The following ERICH3 variants were observed in gnomAD, a reference collection of about 807,000 sequenced individuals.
The protein encoded by ERICH3 is glutamate-rich protein 3.
A neutral mutation model predicts 131.1 loss-of-function variants in ERICH3; 126 were observed. That is an observed-to-expected ratio of 0.96 (90% CI 0.83 to 1.11). The LOEUF (loss-of-function observed/expected upper bound fraction) is 1.11, where lower values mean the gene tolerates loss of function less well. Ranked by LOEUF, ERICH3 falls within the 50% of genes most tolerant of loss-of-function variation. The pLI is 0.00. For missense variants in ERICH3, 2,050 were observed against 1,810.7 expected, an observed-to-expected ratio of 1.13 and a Z score of -2.40; for synonymous variants, 695 against 644.6, an observed-to-expected ratio of 1.08 and a Z score of -1.18.
chr1:74,625,125 G>A (rs1649369959), intron 7 of ERICH3: 1 of 152,178 alleles, frequency 6.6e-6, no homozygotes, highest in Middle Eastern at 3.4e-3. Context: ...TGCATGTGGT[G>A]TGTCCCCTCC....
Position 74,573,406 on chromosome 1 carries a change from T to C in ERICH3, c.2304A>G (p.Thr768=). The C allele has an allele frequency of 6.3e-7, 1 of 1,592,344 alleles. No individual in the cohort carries two copies. The highest frequency in any genetic ancestry group is 1.1e-5 in the South Asian group (1 of 87,096). Residue 768 remains threonine (T), a synonymous_variant, in exon 14 of 15, where the codon ACA becomes ACG. Coordinates refer to ENST00000326665, the MANE Select transcript of ERICH3 (RefSeq NM_001002912.5). The stretch of plus-strand genomic sequence containing the variant: ...CCTCCATTGCTTCTTTCTTCTCCAG[T>C]GTATACGTTTTTTGCACCAATTGCT... The part of the protein sequence containing the change: ...ESQQLVQKTY[T]LEKKEAMEED...
intron 10 of ERICH3, among the ~76,000 whole-genome samples, chr1:74,605,923 A>C (rs968039457): frequency 4.0e-5 from 6 of 151,468 alleles, no homozygotes; most frequent in Non-Finnish European, 7.4e-5. Flanking sequence ...TATATTTGCA[A>C]AGCTTGCACA....
intron 7 of ERICH3, chr1:74,625,178 T>C (rs1452559660): frequency 1.3e-5 from 2 of 152,128 alleles, no homozygotes; most frequent in African/African-American, 4.8e-5. Flanking sequence ...TGATGGCAAT[T>C]GTCTCTTAAT....
At chr1:74,573,565 TCA>T (rs770302286) in intron 13 of ERICH3, 74 bp from the exon 14 acceptor site, 68 of 1,399,650 alleles carry the variant, frequency 4.9e-5, no homozygotes, top group Non-Finnish European at 6.1e-5. Context: ...TAATCTTATA[TCA>T]CACTTATTTA....
chr1:74,632,856 T>A (rs1279416352), intron 6 of ERICH3, among the ~76,000 whole-genome samples: 3 of 151,860 alleles, frequency 2.0e-5, no homozygotes, highest in Non-Finnish European at 4.4e-5. Flanking sequence ...TGTTTTAGAG[T>A]TTAATCAGCA....
rs190529433 is a variant in ERICH3, at chr1:74,592,675, G to T, written c.1727-2595C>A. ...GAAATATACTCTGGTTCAAGTTTGA[G>T]TCAGTCCTTCAGAGGAGAAAGATCA... On this transcript the variant is annotated intron_variant, in intron 11 of 14. Coordinates refer to ENST00000326665, the MANE Select transcript of ERICH3 (RefSeq NM_001002912.5). Among the ~76,000 whole-genome samples the T allele has an allele frequency of 1.9e-4, 29 of 152,222 alleles. 1 individual carries two copies. The highest frequency in any genetic ancestry group is 1.6e-3 in the Admixed American group (24 of 15,288).
At chr1:74,609,043 C>G (rs1420478020) in intron 9 of ERICH3, among the ~76,000 whole-genome samples, 2 of 152,044 alleles carry the variant, frequency 1.3e-5, no homozygotes, top group Admixed American at 6.6e-5. Flanking sequence ...CACTGACTAC[C>G]TATTTGACTT....
At chr1:74,671,305 T>C (rs1411933545) in intron 1 of ERICH3, among the ~76,000 whole-genome samples, 1 of 152,142 alleles carries the variant, frequency 6.6e-6, no homozygotes, top group African/African-American at 2.4e-5. Flanking sequence ...GTTCTGCTTT[T>C]GCCCTTTGTC....
Position 74,569,189 on chromosome 1 carries a change from TA to T in ERICH3, c.*1268del, listed in dbSNP as rs1194566855. On this transcript the variant is annotated 3_prime_UTR_variant, in exon 15 of 15. Transcript: ENST00000326665. ...GAAGAATCAAGTGAAAAGTTAAAAA[TA>T]TATATATACTGATGTGTAGATCCAT... The T allele has an allele frequency of 6.6e-6, 1 of 152,078 alleles. No individual in the cohort carries two copies. Among genetic ancestry groups the T allele is most frequent in the African/African-American group, 2.4e-5 (1 of 41,396 alleles). 9.4% of individuals were successfully genotyped at this position (152,078 alleles called of 1,614,324 possible). A position where few individuals can be genotyped will look rare whatever the true frequency, so the allele number is the denominator to read the frequency against.
At chr1:74,628,467 TAAC>T (rs1305308543) in intron 7 of ERICH3, among the ~76,000 whole-genome samples, 1 of 152,192 alleles carries the variant, frequency 6.6e-6, no homozygotes, top group African/African-American at 2.4e-5. Context: ...GTTTTCCTAA[TAAC>T]ATTTTCTTTT....
intron 11 of ERICH3, among the ~76,000 whole-genome samples, chr1:74,597,307 G>A (rs76400893): frequency 0.029 from 4,342 of 151,916 alleles, 207 homozygotes; most frequent in African/African-American, 0.1. Flanking sequence ...AAAGTCTGAC[G>A]ATGGAGTAAA....
chr1:74,657,035 A>T (rs527648661), intron 1 of ERICH3, among the ~76,000 whole-genome samples: 4 of 152,240 alleles, frequency 2.6e-5, no homozygotes, highest in Non-Finnish European at 5.9e-5. Context: ...GAAACAAAGC[A>T]TATTGGTCCA....
In ERICH3 at chr1:74,670,182, T is replaced by TAC. The variant is rs145059752; in HGVS notation, c.23+3313_23+3314dup. Among the ~76,000 whole-genome samples, 440 of 152,266 alleles carry TAC rather than the reference T, an allele frequency of 2.9e-3. 3 individuals carry two copies. Among genetic ancestry groups the TAC allele is most frequent in the African/African-American group, 0.01 (428 of 41,548 alleles). On this transcript the variant is annotated intron_variant, in intron 1 of 14. Coordinates refer to ENST00000326665, the MANE Select transcript of ERICH3 (RefSeq NM_001002912.5). ...TGATAAATTACAACCAAAAAATGTA[T>TAC]ACACACACACTATTACGAAATTAGC...
At chr1:74,634,982 C>T (rs193069157) in intron 6 of ERICH3, 1 of 318,514 alleles carries the variant, frequency 3.1e-6, no homozygotes. Flanking sequence ...GGGGATAATG[C>T]ACTTCTTCTA....
rs1329239727 is a variant in ERICH3 at position 74,616,424 on chromosome 1, C to A, written c.1001-3615G>T. 3.3e-5 allele frequency among the ~76,000 whole-genome samples: 5 copies of A among 152,158 alleles called. No individual in the cohort carries two copies. The East Asian group carries it at 9.7e-4, about 29-fold the overall frequency. Reference sequence around the variant, plus strand: ...AGTCATAGAAGCATTTGATAAGCTCCCTATATATCCCTGGCTAACTGGAAG... The same window carrying A: ...AGTCATAGAAGCATTTGATAAGCTCACTATATATCCCTGGCTAACTGGAAG... On this transcript the variant is annotated intron_variant, in intron 8 of 14. Coordinates refer to ENST00000326665, the MANE Select transcript of ERICH3 (RefSeq NM_001002912.5).
rs148891590 is a variant in ERICH3, at chr1:74,571,734, T to C, written c.3976A>G (p.Thr1326Ala). Residue 1326 changes from threonine (T) to alanine (A), a missense_variant, in exon 14 of 15, where the codon ACA becomes GCA. Thr to Ala is a moderately conservative substitution (Grantham distance 58, BLOSUM62 0). Transcript: ENST00000326665. Reference sequence around the variant, plus strand: ...CCTCCCATGCCCTCATTCTTTTGTGTGTTTCCTTCTCCTTCCATGTCCCCG... The same window carrying C: ...CCTCCCATGCCCTCATTCTTTTGTGCGTTTCCTTCTCCTTCCATGTCCCCG... The part of the protein sequence containing the change: ...GDGDMEGEGN[T>A]QKNEGMGGGR... 1.2e-6 allele frequency: 2 copies of C among 1,614,040 alleles called. No individual in the cohort carries two copies. The highest frequency in any genetic ancestry group is 2.2e-5 in the East Asian group (1 of 44,880).
At chr1:74,573,993 CTT>C (rs59687548) in intron 13 of ERICH3, among the ~76,000 whole-genome samples, 45 of 135,770 alleles carry the variant, frequency 3.3e-4, no homozygotes, top group African/African-American at 5.4e-4. Context: ...CTTTTTCTCT[CTT>C]TTTTTTTTTT....
chr1:74,577,818 C>T (rs750075163), intron 12 of ERICH3, among the ~76,000 whole-genome samples: 2 of 152,158 alleles, frequency 1.3e-5, no homozygotes, highest in Non-Finnish European at 2.9e-5. Context: ...ATTTTCCCTT[C>T]TAGGAACGTG....
At chr1:74,579,570 A>G in intron 12 of ERICH3, 1 of 985,396 alleles carries the variant, frequency 1.0e-6, no homozygotes, top group Non-Finnish European at 1.2e-6. Flanking sequence ...TGCTGGCCTA[A>G]GTATCAAGGA....
Sources: gnomAD v4.1 joint callset for allele counts (sites outside exome capture counted in the v4.1 genomes callset) on GRCh38, gnomAD v4.1.1 for gene constraint, MANE v1.5 for transcripts, NCBI Gene and HGNC (gene_info 2026-07-23, HGNC 2026-07-21) for gene names.